TRPM6: variants seen among roughly 807,000 people sequenced by gnomAD.
The protein encoded by TRPM6 is transient receptor potential cation channel subfamily M member 6.
A neutral mutation model predicts 247.6 loss-of-function variants in TRPM6; 111 were observed. The ratio of observed to expected loss-of-function variants is 0.45; its 90% CI spans 0.38 to 0.52. TRPM6 has a LOEUF of 0.52. TRPM6 is among the 20% of genes least tolerant of loss of function. The pLI is 0.00. For missense variants in TRPM6, 2,126 were observed against 2,421.5 expected, an observed-to-expected ratio of 0.88 and a Z score of 2.56; for synonymous variants, 892 against 853.8, an observed-to-expected ratio of 1.04 and a Z score of -0.78.
chr9:74,792,573 C>T, intron 19 of TRPM6, 51 bp downstream of exon 19: 2 of 1,584,594 alleles, frequency 1.3e-6, no homozygotes, highest in Non-Finnish European at 1.7e-6. Context: ...AACATCATCA[C>T]TAGCTATCAA....
intron 36 of TRPM6, chr9:74,737,276 C>T (rs1371751260): frequency 4.6e-6 from 4 of 865,302 alleles, no homozygotes; most frequent in African/African-American, 3.5e-5. Context: ...AAAAAATGCA[C>T]TTATATGTAG....
intron 17 of TRPM6, 129 bp downstream of exon 17, chr9:74,800,125 T>C: frequency 1.2e-6 from 1 of 857,356 alleles, no homozygotes. Flanking sequence ...TGCTAGAACC[T>C]CCAAATGAGC....
At chr9:74,842,463 G>T (rs905899319) in intron 3 of TRPM6, 120 bp from the exon 4 acceptor site, 1 of 1,042,600 alleles carries the variant, frequency 9.6e-7, no homozygotes, top group Non-Finnish European at 1.4e-6. Context: ...TCACATTAAG[G>T]TTTATATTAA....
At chr9:74,750,521 A>G (rs1826208418) in intron 30 of TRPM6, 143 bp downstream of exon 30, 2 of 768,434 alleles carry the variant, frequency 2.6e-6, no homozygotes, top group Non-Finnish European at 4.4e-6. Context: ...AATCATTTTC[A>G]TTCTGCTAAC....
At chr9:74,868,853 G>A (rs1003787892) in intron 1 of TRPM6, among the ~76,000 whole-genome samples, 5 of 152,184 alleles carry the variant, frequency 3.3e-5, no homozygotes, top group Admixed American at 1.3e-4. Flanking sequence ...TAATAGAGAC[G>A]ATCAAAGGGT....
chr9:74,871,022 AAGTAAACCCTCT>A (rs1490549054), intron 1 of TRPM6, among the ~76,000 whole-genome samples: 1 of 152,200 alleles, frequency 6.6e-6, no homozygotes, highest in African/African-American at 2.4e-5. Context: ...CAATAGCTTC[AAGTAAACCCTCT>A]ATAACTGTGT....
chr9:74,733,575 T>C (rs754761674), intron 36 of TRPM6, among the ~76,000 whole-genome samples: 25 of 152,240 alleles, frequency 1.6e-4, no homozygotes, highest in African/African-American at 6.0e-4. Context: ...TTTATCCTCA[T>C]TTACATCAAT....
At chr9:74,872,009 T>A (rs1205150540) in intron 1 of TRPM6, among the ~76,000 whole-genome samples, 2 of 152,074 alleles carry the variant, frequency 1.3e-5, no homozygotes, top group Non-Finnish European at 2.9e-5. Flanking sequence ...TGTGCCACCA[T>A]GCCCAGCTAA....
intron 3 of TRPM6, among the ~76,000 whole-genome samples, chr9:74,849,724 C>A (rs951701873): frequency 6.6e-6 from 1 of 152,150 alleles, no homozygotes; most frequent in African/African-American, 2.4e-5. Flanking sequence ...GTGCAGGCAG[C>A]CTAGGCCATA....
In TRPM6 at chr9:74,834,041, G is replaced by C. The variant is rs1191371779; in HGVS notation, c.626C>G (p.Pro209Arg). The C allele has an allele frequency of 6.2e-7, 1 of 1,614,138 alleles. No individual in the cohort carries two copies. The highest frequency in any genetic ancestry group is 2.2e-5 in the East Asian group (1 of 44,882). The change falls in exon 6 of 39, where the codon CCT becomes CGT. Residue 209 changes from proline to arginine, a missense_variant. By Grantham distance (103) the Pro-to-Arg change is moderately radical. Around this residue, in one of 3 missense-constraint regions of TRPM6, gnomAD observed 1,082 missense variants for 1,307.9 expected, o/e 0.83. Transcript: ENST00000360774. The part of the protein sequence containing the change: ...LRKIWTVGIP[P>R]WGVIENQRDL... The stretch of plus-strand genomic sequence containing the variant: ...TCTCTGGTTCTCAATGACACCCCAA[G>C]GAGGGATTCCAACTGTCCAGATTTT...
At position 74,732,681 on chromosome 9, in the gene TRPM6, T is replaced by G. The variant is rs1452664020; in HGVS notation, c.5828+4A>C. On this transcript the variant is annotated splice_donor_region_variant and intron_variant, in intron 37 of 38. Coordinates refer to ENST00000360774, the MANE Select transcript of TRPM6 (RefSeq NM_017662.5). ...TCTAAATGATAACACATAAATTAAC[T>G]TACTGTTTGACTTCAGGTTTTATAA... 6.3e-7 allele frequency: 1 copy of G among 1,599,582 alleles called. No individual in the cohort carries two copies. Among genetic ancestry groups the G allele is most frequent in the South Asian group, 1.1e-5 (1 of 89,352 alleles).
chr9:74,744,879 T>C (rs551010810), intron 31 of TRPM6, among the ~76,000 whole-genome samples: 2 of 152,374 alleles, frequency 1.3e-5, no homozygotes, highest in East Asian at 1.9e-4. Flanking sequence ...CAGATCTCTC[T>C]GGGTTTTTGT....
intron 7 of TRPM6, among the ~76,000 whole-genome samples, chr9:74,825,210 T>C (rs1300082389): frequency 6.6e-6 from 1 of 152,116 alleles, no homozygotes; most frequent in Admixed American, 6.5e-5. Flanking sequence ...TGCAGTGAAC[T>C]GATATCACGC....
Position 74,838,208 on chromosome 9 carries a change from C to T in TRPM6, c.544+1816G>A, listed in dbSNP as rs562862064. Among the ~76,000 whole-genome samples the T allele has an allele frequency of 7.2e-5, 11 of 152,258 alleles. 1 individual carries two copies. Among genetic ancestry groups the T allele is most frequent in the South Asian group, 4.2e-4 (2 of 4,818 alleles). On this transcript the variant is annotated intron_variant, in intron 5 of 38. Coordinates refer to ENST00000360774, the MANE Select transcript of TRPM6 (RefSeq NM_017662.5). Reference sequence around the variant, plus strand: ...TTAAGGCATTAAGTAAAATGAAGCACGACATGCAGTTAGTTATTCAAAGAA... The same window carrying T: ...TTAAGGCATTAAGTAAAATGAAGCATGACATGCAGTTAGTTATTCAAAGAA...
At chr9:74,763,277 G>T (rs536073830) in intron 25 of TRPM6, 143 bp from the exon 26 acceptor site, 2 of 787,512 alleles carry the variant, frequency 2.5e-6, no homozygotes, top group Non-Finnish European at 2.1e-6. Context: ...CTTCTTCTTC[G>T]CCCAATACAT....
intron 17 of TRPM6, among the ~76,000 whole-genome samples, chr9:74,797,944 G>A (rs945359358): frequency 2.6e-5 from 4 of 152,080 alleles, no homozygotes; most frequent in African/African-American, 7.2e-5. Flanking sequence ...CATCCCACAC[G>A]TATCTTTTCT....
chr9:74,755,596 CT>C, intron 27 of TRPM6, 123 bp from the exon 28 acceptor site: 1 of 1,219,140 alleles, frequency 8.2e-7, no homozygotes, highest in Middle Eastern at 2.0e-4. Flanking sequence ...TGACAATTGC[CT>C]GGGAAGTGCT....
rs770999565 is a variant in TRPM6, at chr9:74,788,651, A to G, written c.2630T>C (p.Ile877Thr). 6.2e-7 allele frequency: 1 copy of G among 1,613,988 alleles called. No individual in the cohort carries two copies. Among genetic ancestry groups the G allele is most frequent in the Non-Finnish European group, 8.5e-7 (1 of 1,179,906 alleles). ...CTCAATAGCATTGGTGAAGATGTAAATGCTAACAAGCCACTCCTGCACGCT... is the reference window on the plus strand; with the variant it reads ...CTCAATAGCATTGGTGAAGATGTAAGTGCTAACAAGCCACTCCTGCACGCT... ...QPSVQEWLVS[I>T]YIFTNAIEVV... Residue 877 changes from isoleucine to threonine, a missense_variant, in exon 20 of 39, where the codon ATT becomes ACT. Transcript: ENST00000360774.
At chr9:74,740,154 G>A in intron 33 of TRPM6, 145 bp from the exon 34 acceptor site, 1 of 922,858 alleles carries the variant, frequency 1.1e-6, no homozygotes, top group Non-Finnish European at 1.7e-6. Context: ...ACAGAATAAG[G>A]ACATGTATCA....
Sources: allele counts gnomAD v4.1 joint callset (sites outside exome capture counted in the v4.1 genomes callset), GRCh38; gene constraint gnomAD v4.1.1; regional missense constraint gnomAD v4.1.1; transcripts MANE v1.5; gene names NCBI Gene and HGNC (gene_info 2026-07-23, HGNC 2026-07-21).